The following SPIDR variants were observed in gnomAD, a reference collection of about 807,000 sequenced individuals.
SPIDR encodes the protein DNA repair-scaffolding protein.
A neutral mutation model predicts 104.6 loss-of-function variants in SPIDR; 93 were observed. The ratio of observed to expected loss-of-function variants is 0.89; its 90% CI spans 0.75 to 1.06. SPIDR has a LOEUF of 1.06. Ranked by LOEUF, SPIDR falls within the 50% of genes least tolerant of loss-of-function variation. The probability of loss-of-function intolerance (pLI) is 0.00; values close to 1 mark genes in which losing one functional copy is unlikely to be tolerated. For missense variants in SPIDR, 1,154 were observed against 1,111.2 expected, an observed-to-expected ratio of 1.04 and a Z score of -0.55; for synonymous variants, 431 against 416.9, an observed-to-expected ratio of 1.03 and a Z score of -0.41.
chr8:47,381,252 T>A (rs1468139552), intron 5 of SPIDR, among the ~76,000 whole-genome samples: 2 of 152,176 alleles, frequency 1.3e-5, no homozygotes, highest in African/African-American at 4.8e-5. Flanking sequence ...ATGAATAAAT[T>A]TCATTTTAGA....
At chr8:47,355,913 TAGTC>T (rs1554625531) in intron 5 of SPIDR, among the ~76,000 whole-genome samples, 1 of 152,220 alleles carries the variant, frequency 6.6e-6, no homozygotes, top group African/African-American at 2.4e-5. Flanking sequence ...TTGCAGTTGT[TAGTC>T]AAGAGCTGGG....
chr8:47,706,641 G>A (rs1349115367), intron 14 of SPIDR, among the ~76,000 whole-genome samples: 1 of 152,040 alleles, frequency 6.6e-6, no homozygotes, highest in Non-Finnish European at 1.5e-5. Context: ...CCTAGCGCTG[G>A]CAACCACTCA....
chr8:47,297,329 G>A, intron 5 of SPIDR, among the ~76,000 whole-genome samples: 1 of 152,146 alleles, frequency 6.6e-6, no homozygotes, highest in East Asian at 1.9e-4. Flanking sequence ...AGGGAGCATG[G>A]CAGCTGTGGG....
intron 7 of SPIDR, among the ~76,000 whole-genome samples, chr8:47,428,167 A>C (rs782061036): frequency 1.2e-4 from 18 of 152,224 alleles, no homozygotes; most frequent in African/African-American, 2.9e-4. Flanking sequence ...CAAGTGATCT[A>C]TCTGCCTTGG....
intron 2 of SPIDR, among the ~76,000 whole-genome samples, chr8:47,280,494 G>T (rs1018418480): frequency 6.6e-6 from 1 of 151,440 alleles, no homozygotes; most frequent in East Asian, 1.9e-4. Flanking sequence ...CCGGGTTCAA[G>T]CAATTCTCCT....
intron 16 of SPIDR, among the ~76,000 whole-genome samples, chr8:47,718,163 A>G (rs767487885): frequency 9.2e-5 from 14 of 152,198 alleles, no homozygotes; most frequent in Non-Finnish European, 1.6e-4. Context: ...ATGGACAGTA[A>G]CAGTGGAGGC....
rs372808893 is a variant in SPIDR, at chr8:47,370,605, T to C, written c.526-25771T>C. ...GGGATTACAGGTGCGCGCCATCATGTCTGGCTAATTTTTTTTTTATCTTTA... is the reference window on the plus strand; with the variant it reads ...GGGATTACAGGTGCGCGCCATCATGCCTGGCTAATTTTTTTTTTATCTTTA... On this transcript the variant is annotated intron_variant, in intron 5 of 19. Coordinates refer to ENST00000297423, the MANE Select transcript of SPIDR (RefSeq NM_001080394.4). Among the ~76,000 whole-genome samples, 460 of 151,502 alleles carry C rather than the reference T, an allele frequency of 3.0e-3. 1 individual carries two copies. Among genetic ancestry groups the C allele is most frequent in the African/African-American group, 0.011 (449 of 41,348 alleles).
At chr8:47,333,667 T>G (rs1371436204) in intron 5 of SPIDR, among the ~76,000 whole-genome samples, 1 of 152,170 alleles carries the variant, frequency 6.6e-6, no homozygotes, top group Non-Finnish European at 1.5e-5. Context: ...AGTACCATAG[T>G]CATTATCAAA....
chr8:47,421,714 C>T (rs1296232799), intron 7 of SPIDR, among the ~76,000 whole-genome samples: 2 of 152,164 alleles, frequency 1.3e-5, no homozygotes, highest in African/African-American at 4.8e-5. Flanking sequence ...AGTTTTTCTG[C>T]TCTGTTTTTT....
chr8:47,290,325 GA>G (rs2039676480), intron 3 of SPIDR, among the ~76,000 whole-genome samples: 2 of 152,322 alleles, frequency 1.3e-5, no homozygotes, highest in South Asian at 4.1e-4. Flanking sequence ...GTGGTTGACA[GA>G]GTTCAGGGAT....
chr8:47,319,859 C>G lies in SPIDR; in HGVS notation c.525+25829C>G, dbSNP rs186335067. Among the ~76,000 whole-genome samples the G allele has an allele frequency of 4.8e-3, 725 of 151,188 alleles. 6 individuals are homozygous for G. The highest frequency in any genetic ancestry group is 0.017 in the African/African-American group (687 of 41,422). On this transcript the variant is annotated intron_variant, in intron 5 of 19. Coordinates refer to ENST00000297423, the MANE Select transcript of SPIDR (RefSeq NM_001080394.4). ...TCCTGAATGACTACTGGGTACATAA[C>G]GAAATGAAAGCAGAAATAAAGATGT...
chr8:47,389,358 G>A (rs1162200885), intron 5 of SPIDR, among the ~76,000 whole-genome samples: 1 of 152,170 alleles, frequency 6.6e-6, no homozygotes, highest in East Asian at 1.9e-4. Context: ...CATCATTTGC[G>A]CAAAGTAATT....
intron 5 of SPIDR, among the ~76,000 whole-genome samples, chr8:47,312,771 G>A (rs1322269145): frequency 5.3e-5 from 8 of 152,134 alleles, no homozygotes; most frequent in Admixed American, 3.9e-4. Context: ...ATTGCTTTTG[G>A]TGTTGTAGAC....
chr8:47,606,393 G>A (rs2062950058), intron 10 of SPIDR, among the ~76,000 whole-genome samples: 1 of 152,030 alleles, frequency 6.6e-6, no homozygotes, highest in African/African-American at 2.4e-5. Context: ...GGGCGTGGTG[G>A]TGGGCACCTG....
chr8:47,511,102 A>G, intron 8 of SPIDR: 2 of 1,406,616 alleles, frequency 1.4e-6, no homozygotes, highest in South Asian at 1.2e-5. Context: ...CTCGTCAGCC[A>G]GCTCTTTGTT....
chr8:47,659,496 C>T (rs1055629659), intron 10 of SPIDR, among the ~76,000 whole-genome samples: 31 of 152,170 alleles, frequency 2.0e-4, no homozygotes, highest in Non-Finnish European at 4.1e-4. Context: ...ACTTTGGGAG[C>T]GCAGAGGCTG....
intron 10 of SPIDR, among the ~76,000 whole-genome samples, chr8:47,625,825 T>C (rs962608823): frequency 3.3e-5 from 5 of 152,196 alleles, no homozygotes; most frequent in African/African-American, 4.8e-5. Flanking sequence ...AGGTAATTTA[T>C]AGATTCAGTG....
chr8:47,712,754 C>G lies in SPIDR; in HGVS notation c.2070C>G (p.Leu690=), dbSNP rs755136895. 3.7e-6 allele frequency: 6 copies of G among 1,614,138 alleles called. No homozygotes were observed. Among genetic ancestry groups the G allele is most frequent in the Non-Finnish European group, 5.1e-6 (6 of 1,180,026 alleles). Reference sequence around the variant, plus strand: ...CGAAGGAGGAGAGAGACCCCAGGCTCCCCAAAACCCTGCTGGTCTATGTGG... The same window carrying G: ...CGAAGGAGGAGAGAGACCCCAGGCTGCCCAAAACCCTGCTGGTCTATGTGG... ...LQTKEERDPR[L]PKTLLVYVAP... is the part of the protein sequence containing the mutation. The change falls in exon 15 of 20, where the codon CTC becomes CTG. Residue 690 remains leucine (L), a synonymous_variant. Transcript: ENST00000297423.
In SPIDR at chr8:47,735,343, G is replaced by A. The variant is rs371255927; in HGVS notation, c.2641G>A (p.Gly881Arg). Residue 881 changes from glycine to arginine, a missense_variant, in exon 20 of 20, where the codon GGG (glycine) becomes AGG (arginine). Physicochemically the swap from Gly to Arg is moderately radical, Grantham distance 125 (BLOSUM62 -2). Coordinates refer to ENST00000297423, the MANE Select transcript of SPIDR (RefSeq NM_001080394.4). ...EVKSVLGKEV[G>R]LLNCFVQSVT... ...GAAGAGTGTCCTCGGAAAGGAAGTG[G>A]GGTTGTTAAATTGTTTTGTCCAGTC... is the stretch of plus-strand genomic sequence containing the variant. 1.9e-6 allele frequency: 3 copies of A among 1,614,066 alleles called. No individual in the cohort carries two copies. Among genetic ancestry groups the A allele is most frequent in the Non-Finnish European group, 2.5e-6 (3 of 1,179,972 alleles).
Sources: gnomAD v4.1 joint callset for allele counts (sites outside exome capture counted in the v4.1 genomes callset) on GRCh38, gnomAD v4.1.1 for gene constraint, MANE v1.5 for transcripts, NCBI Gene and HGNC (gene_info 2026-07-23, HGNC 2026-07-21) for gene names.